B4GALT1: variants seen among roughly 807,000 people sequenced by gnomAD.
The protein encoded by B4GALT1 is N-acetyllactosamine synthase.
Under a neutral mutation model 34.9 loss-of-function variants are expected in B4GALT1, and 16 were observed. The observed-to-expected ratio is 0.46, with a 90% confidence interval of 0.31 to 0.70. The LOEUF is 0.70. B4GALT1 is among the 30% of genes least tolerant of loss of function. The probability of loss-of-function intolerance (pLI) is 0.05; values close to 1 mark genes in which losing one functional copy is unlikely to be tolerated. For missense variants in B4GALT1, 445 were observed against 530.5 expected (o/e 0.84, Z 1.58); for synonymous variants, 221 against 218.1 (o/e 1.01, Z -0.12).
chr9:33,161,468 G>T (rs1156491255), intron 1 of B4GALT1, among the ~76,000 whole-genome samples: 2 of 152,120 alleles, frequency 1.3e-5, no homozygotes, highest in African/African-American at 2.4e-5. Context: ...CTACAACTCA[G>T]GTCTCAGGTC....
the B4GALT1 span, among the ~76,000 whole-genome samples, chr9:33,176,264 A>G: frequency 4.3e-4 from 66 of 152,298 alleles, no homozygotes; most frequent in South Asian, 1.2e-3. Context: ...ATGTTGAACT[A>G]TCTTTGTCTG....
intron 2 of B4GALT1, among the ~76,000 whole-genome samples, chr9:33,132,452 C>G (rs780733512): frequency 6.6e-6 from 1 of 152,238 alleles, no homozygotes; most frequent in African/African-American, 2.4e-5. Context: ...GGAATGAGAC[C>G]TGCTTTACAT....
chr9:33,154,000 G>C (rs1840560004), intron 1 of B4GALT1, among the ~76,000 whole-genome samples: 1 of 137,468 alleles, frequency 7.3e-6, no homozygotes, highest in Non-Finnish European at 1.6e-5. Context: ...AGGGAGGGGA[G>C]GGGAGAGAGA....
At chr9:33,115,552 T>C (rs1839926976) in intron 4 of B4GALT1, among the ~76,000 whole-genome samples, 1 of 152,226 alleles carries the variant, frequency 6.6e-6, no homozygotes, top group Non-Finnish European at 1.5e-5. Context: ...TTTATTATAC[T>C]ACAGTATCTC....
At chr9:33,151,131 G>A (rs1470487023) in intron 1 of B4GALT1, among the ~76,000 whole-genome samples, 3 of 152,162 alleles carry the variant, frequency 2.0e-5, no homozygotes, top group African/African-American at 4.8e-5. Context: ...CATCAGCCAC[G>A]AGAGACTGAC....
downstream of B4GALT1, among the ~76,000 whole-genome samples, chr9:33,110,188 A>G (rs1383304256): frequency 2.0e-5 from 3 of 152,260 alleles, no homozygotes; most frequent in Admixed American, 2.0e-4. Flanking sequence ...GTAAAAACTA[A>G]GACCTTTTAG....
intron 1 of B4GALT1, among the ~76,000 whole-genome samples, chr9:33,161,058 G>T (rs1587751715): frequency 6.6e-6 from 1 of 151,804 alleles, no homozygotes; most frequent in Admixed American, 6.6e-5. Context: ...CCTGGGCTTT[G>T]TGAGGGGCTC....
chr9:33,158,929 G>T (rs1345957165), intron 1 of B4GALT1, among the ~76,000 whole-genome samples: 1 of 152,040 alleles, frequency 6.6e-6, no homozygotes, highest in Non-Finnish European at 1.5e-5. Flanking sequence ...TCTCTTCCTG[G>T]GGGGAGGGGG....
upstream of B4GALT1, chr9:33,167,372 AG>A (rs1840783489): frequency 9.8e-6 from 4 of 407,292 alleles, no homozygotes; most frequent in Non-Finnish European, 1.1e-5. Context: ...CGGAGAGGGG[AG>A]GGGCGGGGCC....
At chr9:33,149,465 A>C (rs1840479019) in intron 1 of B4GALT1, among the ~76,000 whole-genome samples, 1 of 152,068 alleles carries the variant, frequency 6.6e-6, no homozygotes, top group African/African-American at 2.4e-5. Flanking sequence ...TTTTTTATAG[A>C]GATGGCGTTT....
At chr9:33,184,807 G>A in the B4GALT1 span, among the ~76,000 whole-genome samples, 2 of 152,140 alleles carry the variant, frequency 1.3e-5, no homozygotes, top group African/African-American at 2.4e-5. Flanking sequence ...TTTAAGACCT[G>A]GCTTGTTAAA....
intron 1 of B4GALT1, among the ~76,000 whole-genome samples, chr9:33,159,313 G>A (rs1243495126): frequency 1.3e-5 from 2 of 152,136 alleles, no homozygotes; most frequent in South Asian, 2.1e-4. Flanking sequence ...CCCTGCCAGG[G>A]ACCCTCCCCA....
intron 2 of B4GALT1, among the ~76,000 whole-genome samples, chr9:33,105,074 C>T (rs1300058366): frequency 6.6e-6 from 1 of 152,110 alleles, no homozygotes; most frequent in Non-Finnish European, 1.5e-5. Context: ...CCCACCTTGG[C>T]CTCCCAAAGT....
At chr9:33,114,954 G>A (rs999332201) in intron 4 of B4GALT1, among the ~76,000 whole-genome samples, 23 of 152,124 alleles carry the variant, frequency 1.5e-4, no homozygotes, top group Admixed American at 1.2e-3. Flanking sequence ...GTATCCTGTC[G>A]GCCCTGCACA....
chr9:33,132,653 A>C (rs1354137647), intron 2 of B4GALT1, among the ~76,000 whole-genome samples: 2 of 152,192 alleles, frequency 1.3e-5, no homozygotes, highest in Non-Finnish European at 2.9e-5. Flanking sequence ...GGACATTCAG[A>C]AATCTACTGT....
At chr9:33,176,339 T>C in the B4GALT1 span, among the ~76,000 whole-genome samples, 1 of 152,168 alleles carries the variant, frequency 6.6e-6, no homozygotes, top group African/African-American at 2.4e-5. Flanking sequence ...CTGTGGACTT[T>C]CCGTTAATTT....
At chr9:33,150,877 G>A (rs768496883) in intron 1 of B4GALT1, among the ~76,000 whole-genome samples, 1 of 152,018 alleles carries the variant, frequency 6.6e-6, no homozygotes, top group Non-Finnish European at 1.5e-5. Flanking sequence ...GTGGGAATGA[G>A]GACAAAATAA....
intron 1 of B4GALT1, among the ~76,000 whole-genome samples, chr9:33,152,101 TTG>T (rs1414369934): frequency 1.3e-5 from 2 of 152,046 alleles, no homozygotes; most frequent in African/African-American, 4.8e-5. Flanking sequence ...GATCAGGAGT[TTG>T]AGATCAGCTT....
intron 1 of B4GALT1, among the ~76,000 whole-genome samples, chr9:33,149,002 C>T (rs1166928001): frequency 1.3e-5 from 2 of 152,022 alleles, no homozygotes; most frequent in Admixed American, 1.3e-4. Flanking sequence ...CATAGGTCTG[C>T]ATTAATATAT....
Sources: allele counts gnomAD v4.1 joint callset (sites outside exome capture counted in the v4.1 genomes callset), GRCh38; gene constraint gnomAD v4.1.1; transcripts MANE v1.5; gene names NCBI Gene and HGNC (gene_info 2026-07-23, HGNC 2026-07-21).